The following FZR1 variants were observed in gnomAD, a reference collection of about 807,000 sequenced individuals.
FZR1 encodes the protein fizzy-related protein homolog.
FZR1 carries 11 observed loss-of-function variants against 63.6 expected under a neutral mutation model. That is an observed-to-expected ratio of 0.17 (90% CI 0.11 to 0.29). The LOEUF (loss-of-function observed/expected upper bound fraction) is 0.29. Ranked by LOEUF, FZR1 falls within the 10% of genes least tolerant of loss-of-function variation. The pLI, the probability that FZR1 is intolerant of heterozygous loss-of-function variation, is 1.00. For missense variants in FZR1, 440 were observed against 687.5 expected, an observed-to-expected ratio of 0.64 and a Z score of 4.03; for synonymous variants, 328 against 297.9, an observed-to-expected ratio of 1.10 and a Z score of -1.04.
At chr19:3,517,811 A>G (rs556000167) in intron 1 of FZR1, among the ~76,000 whole-genome samples, 3 of 152,246 alleles carry the variant, frequency 2.0e-5, no homozygotes, top group Non-Finnish European at 4.4e-5. Flanking sequence ...AAGATAAACA[A>G]AAAAGGGTCA....
rs1249535233 is a variant in FZR1, at chr19:3,533,171, C to T, written c.1243-123C>T. On this transcript the variant is annotated intron_variant, in intron 11 of 13. Coordinates refer to ENST00000441788, the MANE Select transcript of FZR1 (RefSeq NM_016263.4). This position sits in a 1 kb window ranked among gnomAD's most constrained non-coding sequence, Gnocchi z 4.9. ...GAGCCACATCCCAGCATCCCCTGCT[C>T]CTCCTGGGCTGGCTGGCGGCTCTGA... The T allele has an allele frequency of 5.8e-6, 4 of 693,082 alleles. No homozygotes were observed. The highest frequency in any genetic ancestry group is 7.8e-6 in the Non-Finnish European group (3 of 383,532). 42.9% of individuals were successfully genotyped at this position (693,082 alleles called of 1,614,324 possible).
chr19:3,523,999 A>G (rs912228856), intron 2 of FZR1, among the ~76,000 whole-genome samples: 9 of 152,226 alleles, frequency 5.9e-5, no homozygotes, highest in Non-Finnish European at 1.3e-4. Context: ...ATCGTGCGTG[A>G]TGTAGCAGGG....
Position 3,534,898 on chromosome 19 carries a change from C to A in FZR1, c.*62C>A. The A allele has an allele frequency of 1.5e-6, 2 of 1,307,312 alleles. No individual in the cohort carries two copies. Among genetic ancestry groups the A allele is most frequent in the Non-Finnish European group, 2.2e-6 (2 of 905,670 alleles). The allele number at this position is 1,307,312 out of a possible 1,614,324, so 81.0% of individuals were successfully genotyped here. ...GAGTCGGAGGACCCCAGCTCCTCAG[C>A]TTGCATGGACTCTGCCTTCCCAGCG... is the stretch of plus-strand genomic sequence containing the variant. On this transcript the variant is annotated 3_prime_UTR_variant, in exon 14 of 14. Transcript: ENST00000441788.
intron 9 of FZR1, 41 bp downstream of exon 9, chr19:3,531,857 C>A: frequency 2.6e-6 from 4 of 1,551,844 alleles, no homozygotes; most frequent in Non-Finnish European, 3.5e-6. Context: ...CTCCCTGAGG[C>A]CCCAGCTCCG....
rs1179659613 is a variant in FZR1 at position 3,514,091 on chromosome 19, G to A, written c.-35+7617G>A. Among the ~76,000 whole-genome samples the A allele has an allele frequency of 6.6e-6, 1 of 152,138 alleles. No homozygotes were observed. Among genetic ancestry groups the A allele is most frequent in the Non-Finnish European group, 1.5e-5 (1 of 68,004 alleles). On this transcript the variant is annotated intron_variant, in intron 1 of 13. Coordinates refer to ENST00000441788, the MANE Select transcript of FZR1 (RefSeq NM_016263.4). This position sits in a 1 kb window ranked among gnomAD's most constrained non-coding sequence, Gnocchi z 4.2. ...GATCCCGCACCAGGGGAGACCTTGG[G>A]GGCTTTGCATTGGTGCTGTTCCCAG...
chr19:3,518,305 C>G lies in FZR1; in HGVS notation c.-34-4651C>G, dbSNP rs570007008. ...CCTCTGTTTGTATTTTTTGTAGAAACGGGGTCTCGCCATGTTGGCTGATCT... is the reference window on the plus strand; with the variant it reads ...CCTCTGTTTGTATTTTTTGTAGAAAGGGGGTCTCGCCATGTTGGCTGATCT... On this transcript the variant is annotated intron_variant, in intron 1 of 13. Coordinates refer to ENST00000441788, the MANE Select transcript of FZR1 (RefSeq NM_016263.4). Among the ~76,000 whole-genome samples the G allele has an allele frequency of 2.0e-5, 3 of 152,276 alleles. No homozygotes were observed. In the South Asian group the frequency reaches 6.2e-4, roughly 32 times the overall value.
At position 3,526,474 on chromosome 19, in the gene FZR1, C is replaced by T. The variant is rs185869982; in HGVS notation, c.387+88C>T. On this transcript the variant is annotated intron_variant, in intron 5 of 13. Coordinates refer to ENST00000441788, the MANE Select transcript of FZR1 (RefSeq NM_016263.4). The surrounding 1 kb of genome is among the most constrained non-coding windows in gnomAD (Gnocchi z 5.4). The stretch of plus-strand genomic sequence containing the variant: ...CTCCCAGGCACCAGCTCTGCCTCCC[C>T]GAGCCCGGTTCTCGGGCCCAGCCAC... 7.6e-3 allele frequency: 8,565 copies of T among 1,121,282 alleles called. 52 individuals carry two copies. The highest frequency in any genetic ancestry group is 8.7e-3 in the Non-Finnish European group (6,826 of 784,838). The allele number at this position is 1,121,282 out of a possible 1,614,324, so 69.5% of individuals were successfully genotyped here.
In FZR1 at chr19:3,522,821, C is replaced by T. The variant is rs1034570123; in HGVS notation, c.-34-135C>T. The T allele has an allele frequency of 1.7e-4, 105 of 632,854 alleles. 1 individual carries two copies. The highest frequency in any genetic ancestry group is 1.6e-3 in the Middle Eastern group (4 of 2,486). 39.2% of individuals were successfully genotyped at this position (632,854 alleles called of 1,614,324 possible). A position where few individuals can be genotyped will look rare whatever the true frequency, so the allele number is the denominator to read the frequency against. On this transcript the variant is annotated intron_variant, in intron 1 of 13. Transcript: ENST00000441788. ...TCACCTAGGATGAGGCTAGGGCTGGCAGAAGATCCCCACAGAGGAGCCAGG... is the reference window on the plus strand; with the variant it reads ...TCACCTAGGATGAGGCTAGGGCTGGTAGAAGATCCCCACAGAGGAGCCAGG...
Position 3,525,447 on chromosome 19 carries a change from T to TC in FZR1, c.70-421_70-420insC, listed in dbSNP as rs2083145590. On this transcript the variant is annotated intron_variant, in intron 2 of 13. Transcript: ENST00000441788. The surrounding 1 kb of genome is among the most constrained non-coding windows in gnomAD (Gnocchi z 4.2). ...CTTGGGTTTTCTTTTTTTTTTTTTT[T>TC]TTTTTTTTTTTTTGAGACGGAGTCT... Among the ~76,000 whole-genome samples, 1 of 137,624 alleles carries TC rather than the reference T, an allele frequency of 7.3e-6. No individual in the cohort carries two copies. The highest frequency in any genetic ancestry group is 1.6e-5 in the Non-Finnish European group (1 of 63,962). The allele number at this position is 137,624 out of a possible 152,430, so 90.3% of individuals were successfully genotyped here.
intron 1 of FZR1, among the ~76,000 whole-genome samples, chr19:3,512,293 C>T (rs1433263313): frequency 6.6e-6 from 1 of 152,188 alleles, no homozygotes; most frequent in African/African-American, 2.4e-5. Flanking sequence ...GAGTCCTGGG[C>T]CCAGCCAGCT....
intron 13 of FZR1, 67 bp from the exon 14 acceptor site, chr19:3,534,728 G>A: frequency 1.4e-6 from 2 of 1,441,450 alleles, no homozygotes; most frequent in South Asian, 2.3e-5. Context: ...AAGCCTTGGG[G>A]ACCCTCCAGG....
At chr19:3,512,578 G>A (rs2083031311) in intron 1 of FZR1, among the ~76,000 whole-genome samples, 1 of 152,214 alleles carries the variant, frequency 6.6e-6, no homozygotes, top group Non-Finnish European at 1.5e-5. Context: ...GAGGGCACAA[G>A]GAGGGTTAGC....
At chr19:3,534,227 T>G in intron 12 of FZR1, 194 bp from the exon 13 acceptor site, 1 of 282,418 alleles carries the variant, frequency 3.5e-6, no homozygotes, top group African/African-American at 3.7e-5. Context: ...GTCTTAAAAT[T>G]AAAAAAAAAA....
intron 1 of FZR1, among the ~76,000 whole-genome samples, chr19:3,518,091 T>C (rs887263924): frequency 2.7e-5 from 4 of 150,256 alleles, no homozygotes; most frequent in Non-Finnish European, 5.9e-5. Flanking sequence ...CTCTGCTCAC[T>C]GCAACCTCCG....
intron 1 of FZR1, 150 bp from the exon 2 acceptor site, chr19:3,522,806 T>A: frequency 1.7e-6 from 1 of 602,988 alleles, no homozygotes; most frequent in East Asian, 2.8e-5. Flanking sequence ...TCACCTAGGA[T>A]GAGGCTAGGG....
intron 10 of FZR1, 75 bp from the exon 11 acceptor site, chr19:3,532,342 C>G: frequency 2.5e-6 from 3 of 1,194,034 alleles, no homozygotes; most frequent in Non-Finnish European, 3.5e-6. Context: ...CAGGGCAGGT[C>G]GTCACACCTG....
intron 1 of FZR1, among the ~76,000 whole-genome samples, chr19:3,507,672 G>A (rs1271973253): frequency 2.0e-5 from 3 of 152,218 alleles, no homozygotes; most frequent in Non-Finnish European, 4.4e-5. Flanking sequence ...CAGCATGAGG[G>A]CAGCCTGCGG....
chr19:3,530,314 G>C (rs1393494763), intron 7 of FZR1, among the ~76,000 whole-genome samples: 3 of 138,480 alleles, frequency 2.2e-5, no homozygotes, highest in East Asian at 4.0e-4. Context: ...GGAGGAGAGA[G>C]CGGAGGAGAG....
In FZR1 at chr19:3,516,272, T is replaced by C. The variant is rs973014052; in HGVS notation, c.-34-6684T>C. 1.3e-5 allele frequency among the ~76,000 whole-genome samples: 2 copies of C among 152,092 alleles called. No homozygotes were observed. Among genetic ancestry groups the C allele is most frequent in the South Asian group, 2.1e-4 (1 of 4,824 alleles). ...ACGGGCGGGAGGGTGGTGTCCTCGG[T>C]TGGATTGGCAGCTCCTGACTGCGAG... On this transcript the variant is annotated intron_variant, in intron 1 of 13. Coordinates refer to ENST00000441788, the MANE Select transcript of FZR1 (RefSeq NM_016263.4). This position sits in a 1 kb window ranked among gnomAD's most constrained non-coding sequence, Gnocchi z 6.0.
Sources: gnomAD v4.1 joint callset for allele counts (sites outside exome capture counted in the v4.1 genomes callset) on GRCh38, gnomAD v4.1.1 for gene constraint, Gnocchi (gnomAD v3.1) non-coding constraint, MANE v1.5 for transcripts, NCBI Gene and HGNC (gene_info 2026-07-23, HGNC 2026-07-21) for gene names.